The following BCAN variants were observed in gnomAD, a reference collection of about 807,000 sequenced individuals.
The protein encoded by BCAN is brevican core protein.
Under a neutral mutation model 92.4 loss-of-function variants are expected in BCAN, and 51 were observed. The observed-to-expected ratio is 0.55, with a 90% CI of 0.44 to 0.70. The LOEUF is 0.70. Ranked by LOEUF, BCAN falls within the 30% of genes least tolerant of loss-of-function variation. BCAN has a pLI of 0.00. For synonymous variants in BCAN, 501 were observed against 505.2 expected (o/e 0.99, Z 0.11); for missense variants, 1,140 against 1,212.1 (o/e 0.94, Z 0.88).
chr1:156,646,639 A>G, intron 2 of BCAN, 162 bp from the exon 3 acceptor site: 2 of 1,210,752 alleles, frequency 1.7e-6, no homozygotes, highest in East Asian at 2.8e-5. Context: ...ACCTAGAGGT[A>G]GGGCTGCAGG....
At position 156,652,247 on chromosome 1, in the gene BCAN, G is replaced by C; in HGVS notation, c.1298-1G>C. ...TGCTGAACCGTTTGTGCTTTGCCTA[G>C]AATTTGAAACACAATCCATGGTACC... is the stretch of plus-strand genomic sequence containing the variant. On this transcript the variant is annotated splice_acceptor_variant, in intron 7 of 13. Coordinates refer to ENST00000329117, the MANE Select transcript of BCAN (RefSeq NM_021948.5). LOFTEE classifies it high-confidence loss of function. 6.3e-7 allele frequency: 1 copy of C among 1,581,946 alleles called. No homozygotes were observed. Among genetic ancestry groups the C allele is most frequent in the Non-Finnish European group, 8.6e-7 (1 of 1,165,266 alleles).
intron 7 of BCAN, among the ~76,000 whole-genome samples, chr1:156,651,916 C>T (rs1207124124): frequency 1.3e-5 from 2 of 152,200 alleles, no homozygotes; most frequent in Admixed American, 6.5e-5. Flanking sequence ...TAAGGAGCTG[C>T]GCCCTGGAAA....
chr1:156,658,730 A>T lies in BCAN; in HGVS notation c.2625A>T (p.Arg875Ser). ...CCCAGATCTCCTGTGTGCCCAGAAGACCTGTGAGTGCCAGGAAGAGGCAGG... is the reference window on the plus strand; with the variant it reads ...CCCAGATCTCCTGTGTGCCCAGAAGTCCTGTGAGTGCCAGGAAGAGGCAGG... ...EAPQISCVPRRPARALHPEED... is the reference protein window; with the variant it reads ...EAPQISCVPRSPARALHPEED... The change falls in exon 13 of 14, where the codon AGA becomes AGT. Residue 875 changes from arginine (R) to serine (S), a missense_variant. This residue lies in a region of BCAN where 825 missense variants were observed against 871.8 expected (regional missense o/e 0.95). Coordinates refer to ENST00000329117, the MANE Select transcript of BCAN (RefSeq NM_021948.5). The surrounding 1 kb of genome is among the most constrained non-coding windows in gnomAD (Gnocchi z 4.4). 6.2e-7 allele frequency: 1 copy of T among 1,613,874 alleles called. No individual in the cohort carries two copies. Among genetic ancestry groups the T allele is most frequent in the East Asian group, 2.2e-5 (1 of 44,872 alleles).
intron 1 of BCAN, among the ~76,000 whole-genome samples, chr1:156,645,736 C>T (rs1678940885): frequency 6.6e-6 from 1 of 152,170 alleles, no homozygotes; most frequent in Admixed American, 6.5e-5. Flanking sequence ...ACTCTCAAAG[C>T]ACATGGTCCT....
chr1:156,646,177 G>A, intron 2 of BCAN, 32 bp downstream of exon 2: 1 of 1,598,544 alleles, frequency 6.3e-7, no homozygotes, highest in Non-Finnish European at 8.6e-7. Flanking sequence ...CACCGTCTCT[G>A]TCTTGTTCAG....
In BCAN at chr1:156,648,677, C is replaced by T; in HGVS notation, c.879C>T (p.Ala293=). The T allele has an allele frequency of 2.0e-5, 32 of 1,613,704 alleles. No individual in the cohort carries two copies. The highest frequency in any genetic ancestry group is 2.7e-5 in the Non-Finnish European group (32 of 1,179,638). ...EIATTGQLYA[A]WDGGLDHCSP... is the part of the protein sequence containing the mutation. ...CCACCACGGGCCAACTGTATGCAGC[C>T]TGGGATGGTGGCCTGGACCACTGCA... Residue 293 remains alanine (A), a synonymous_variant, in exon 6 of 14, where the codon GCC becomes GCT. Coordinates refer to ENST00000329117, the MANE Select transcript of BCAN (RefSeq NM_021948.5).
Position 156,647,563 on chromosome 1 carries a change from G to A in BCAN, c.522G>A (p.Gly174=), listed in dbSNP as rs769279117. The stretch of plus-strand genomic sequence containing the variant: ...CCCGCTATGCTTTCTCCTTTTCTGG[G>A]GCCCAGGAGGCCTGTGCCCGCATTG... ...GSARYAFSFS[G]AQEACARIGA... The change falls in exon 4 of 14, where the codon GGG becomes GGA. Residue 174 remains glycine, a synonymous_variant. Coordinates refer to ENST00000329117, the MANE Select transcript of BCAN (RefSeq NM_021948.5). This position sits in a 1 kb window ranked among gnomAD's most constrained non-coding sequence, Gnocchi z 4.8. 6.2e-7 allele frequency: 1 copy of A among 1,609,910 alleles called. No individual in the cohort carries two copies. The highest frequency in any genetic ancestry group is 1.7e-4 in the Middle Eastern group (1 of 5,868).
At chr1:156,648,471 G>T in intron 5 of BCAN, 97 bp from the exon 6 acceptor site, 4 of 1,295,322 alleles carry the variant, frequency 3.1e-6, no homozygotes, top group Non-Finnish European at 1.1e-6. Context: ...TGCCACAGAT[G>T]AGGGAACTGG....
chr1:156,651,984 G>A (rs1352532343), intron 7 of BCAN, among the ~76,000 whole-genome samples: 2 of 152,182 alleles, frequency 1.3e-5, no homozygotes, highest in East Asian at 3.9e-4. Flanking sequence ...ACAGACTAGA[G>A]TTTTGACAGA....
chr1:156,647,215 AGGG>A lies in BCAN; in HGVS notation c.466+41_466+43del. On this transcript the variant is annotated intron_variant, in intron 3 of 13. Transcript: ENST00000329117. The surrounding 1 kb of genome is among the most constrained non-coding windows in gnomAD (Gnocchi z 4.8). ...AGGTTCCAGAGGGAGGGAGGGAGGG[AGGG>A]AAGGGAGGACTCTTGCCTTCGGGGA... is the stretch of plus-strand genomic sequence containing the variant. 5.5e-6 allele frequency: 2 copies of A among 363,546 alleles called. No individual in the cohort carries two copies. Among genetic ancestry groups the A allele is most frequent in the Non-Finnish European group, 1.1e-5 (2 of 179,654 alleles). The allele number at this position is 363,546 out of a possible 1,614,324, so 22.5% of individuals were successfully genotyped here. A position where few individuals can be genotyped will look rare whatever the true frequency, so the allele number is the denominator to read the frequency against.
Position 156,658,485 on chromosome 1 carries a change from A to T in BCAN, c.2438-58A>T, listed in dbSNP as rs1290349139. 3.2e-6 allele frequency: 5 copies of T among 1,569,336 alleles called. No individual in the cohort carries two copies. Among genetic ancestry groups the T allele is most frequent in the African/African-American group, 2.7e-5 (2 of 73,788 alleles). On this transcript the variant is annotated intron_variant, in intron 12 of 13. Transcript: ENST00000329117. The surrounding 1 kb of genome is among the most constrained non-coding windows in gnomAD (Gnocchi z 4.4). ...GCCCATTTTTCTCTTCCCCATGGAG[A>T]TTCTGGGAACTGTCACCCACAGAGC...
In BCAN at chr1:156,645,178, C is replaced by A. The variant is rs531385465; in HGVS notation, c.-8-869C>A. 2.1e-4 allele frequency among the ~76,000 whole-genome samples: 32 copies of A among 152,294 alleles called. No individual in the cohort carries two copies. The South Asian group carries it at 6.4e-3, about 31-fold the overall frequency. ...TAGCCCCTCCCATTTATTCTCCCCC[C>A]CCTTAGTCCACCCTCCAGCCCAAGG... On this transcript the variant is annotated intron_variant, in intron 1 of 13. Coordinates refer to ENST00000329117, the MANE Select transcript of BCAN (RefSeq NM_021948.5).
rs1373152993 is a variant in BCAN, at chr1:156,656,772, GGCTCCT to G, written c.2051-162_2051-157del. 7 of 943,520 alleles carry G rather than the reference GGCTCCT, an allele frequency of 7.4e-6. No homozygotes were observed. In the African/African-American group the frequency reaches 1.0e-4, roughly 13 times the overall value. The allele number at this position is 943,520 out of a possible 1,614,324, so 58.4% of individuals were successfully genotyped here. ...GCGCCCCTGCCCAAGAGCCCCTCCA[GGCTCCT>G]GCTACCCCCTCATTCTCTACTAGCT... is the stretch of plus-strand genomic sequence containing the variant. On this transcript the variant is annotated intron_variant, in intron 9 of 13. Transcript: ENST00000329117.
At chr1:156,657,123 G>T (rs762622146) in intron 10 of BCAN, 27 bp downstream of exon 10, 11 of 1,569,066 alleles carry the variant, frequency 7.0e-6, no homozygotes, top group South Asian at 1.2e-5. Context: ...GGCGGGAGGG[G>T]CCCCTGCCAT....
At chr1:156,657,603 A>C (rs1571453098) in intron 10 of BCAN, 72 bp from the exon 11 acceptor site, 1 of 1,339,680 alleles carries the variant, frequency 7.5e-7, no homozygotes, top group Non-Finnish European at 1.0e-6. Flanking sequence ...CAGTCACCGC[A>C]GACCGCCCGG....
intron 8 of BCAN, among the ~76,000 whole-genome samples, chr1:156,654,870 G>A (rs1679283047): frequency 6.6e-6 from 1 of 152,202 alleles, no homozygotes; most frequent in African/African-American, 2.4e-5. Context: ...TGGCAGGAGG[G>A]AAGATGACAG....
At chr1:156,648,940 A>T (rs764920640) in intron 6 of BCAN, 79 bp downstream of exon 6, 54 of 1,456,758 alleles carry the variant, frequency 3.7e-5, no homozygotes, top group Non-Finnish European at 4.8e-5. Context: ...CCCCAGTCTG[A>T]TCAGTTTAGC....
intron 8 of BCAN, among the ~76,000 whole-genome samples, chr1:156,654,154 G>A (rs959048057): frequency 6.6e-6 from 1 of 152,232 alleles, no homozygotes; most frequent in Non-Finnish European, 1.5e-5. Context: ...TCAAAAGCAA[G>A]TGATGGAGAG....
intron 8 of BCAN, chr1:156,653,586 T>C: frequency 1.0e-6 from 1 of 962,800 alleles, no homozygotes; most frequent in Non-Finnish European, 1.2e-6. Context: ...TCCCTGTCTC[T>C]GTGTGTGTCT....
Sources: allele counts gnomAD v4.1 joint callset (sites outside exome capture counted in the v4.1 genomes callset), GRCh38; gene constraint gnomAD v4.1.1; regional missense constraint gnomAD v4.1.1; non-coding constraint Gnocchi (gnomAD v3.1); transcripts MANE v1.5; gene names NCBI Gene and HGNC (gene_info 2026-07-23, HGNC 2026-07-21).